Variants in FAR2 observed in about 807,000 individuals in gnomAD.
FAR2 encodes fatty acyl-CoA reductase 2.
In FAR2, 19 loss-of-function variants were observed where a neutral mutation model predicts 56.0. That is an observed-to-expected ratio of 0.34 (90% CI 0.24 to 0.50). The LOEUF (loss-of-function observed/expected upper bound fraction) is 0.50, where lower values mean the gene tolerates loss of function less well. FAR2 is among the 20% of genes least tolerant of loss of function. FAR2 has a pLI of 0.98. For synonymous variants in FAR2, 219 were observed against 218.8 expected (o/e 1.00, Z -0.01); for missense variants, 508 against 642.2 (o/e 0.79, Z 2.26).
chr12:29,177,082 T>C (rs2136593517), intron 1 of FAR2, among the ~76,000 whole-genome samples: 1 of 152,198 alleles, frequency 6.6e-6, no homozygotes, highest in East Asian at 1.9e-4. Context: ...GCCAAGGAAC[T>C]TTCTGAAATG....
intron 4 of FAR2, among the ~76,000 whole-genome samples, chr12:29,302,829 T>C (rs923943662): frequency 1.3e-5 from 2 of 151,044 alleles, no homozygotes; most frequent in African/African-American, 2.4e-5. Context: ...CAGAGAGGAG[T>C]AGTATGGAAG....
intron 1 of FAR2, among the ~76,000 whole-genome samples, chr12:29,189,756 C>T (rs1591840158): frequency 6.6e-6 from 1 of 152,130 alleles, no homozygotes; most frequent in South Asian, 2.1e-4. Flanking sequence ...TAAAAGATCG[C>T]TCCAAAAATA....
chr12:29,153,978 C>T (rs894078512), intron 1 of FAR2, among the ~76,000 whole-genome samples: 1 of 152,124 alleles, frequency 6.6e-6, no homozygotes, highest in African/African-American at 2.4e-5. Flanking sequence ...AGTATACTGG[C>T]TGCTGGGATG....
intron 1 of FAR2, among the ~76,000 whole-genome samples, chr12:29,236,253 G>A (rs1947938992): frequency 6.6e-6 from 1 of 152,142 alleles, no homozygotes; most frequent in African/African-American, 2.4e-5. Flanking sequence ...GACATGGCTA[G>A]TAGAAACAGA....
At chr12:29,244,801 A>C (rs1948098867) in intron 1 of FAR2, among the ~76,000 whole-genome samples, 1 of 152,182 alleles carries the variant, frequency 6.6e-6, no homozygotes, top group Non-Finnish European at 1.5e-5. Context: ...GCTATACAAC[A>C]ATGACTAAAG....
chr12:29,223,142 C>A (rs1947717093), intron 1 of FAR2, among the ~76,000 whole-genome samples: 1 of 152,068 alleles, frequency 6.6e-6, no homozygotes, highest in African/African-American at 2.4e-5. Context: ...TATTACTAGC[C>A]CCATCCCAGG....
intron 10 of FAR2, among the ~76,000 whole-genome samples, chr12:29,329,985 G>A (rs1339512882): frequency 2.0e-5 from 3 of 150,906 alleles, no homozygotes; most frequent in Non-Finnish European, 4.4e-5. Context: ...GGAAAATATA[G>A]TTTCATAGGA....
chr12:29,191,407 T>C (rs1392171462), intron 1 of FAR2, among the ~76,000 whole-genome samples: 2 of 152,248 alleles, frequency 1.3e-5, no homozygotes, highest in Admixed American at 1.3e-4. Context: ...TAATGCCATA[T>C]ATGAACTGAA....
intron 1 of FAR2, among the ~76,000 whole-genome samples, chr12:29,223,104 G>A (rs770524971): frequency 5.9e-5 from 9 of 152,130 alleles, no homozygotes; most frequent in Non-Finnish European, 1.3e-4. Flanking sequence ...CTATTGGGAG[G>A]TATTACTAAC....
In FAR2 at chr12:29,270,337, CAG is replaced by C. The variant is rs1331068035; in HGVS notation, c.-38-73_-38-72del. The C allele has an allele frequency of 4.2e-6, 5 of 1,180,270 alleles. No individual in the cohort carries two copies. The African/African-American group carries it at 6.2e-5, about 15-fold the overall frequency. The allele number at this position is 1,180,270 out of a possible 1,614,324, so 73.1% of individuals were successfully genotyped here. A position where few individuals can be genotyped will look rare whatever the true frequency, so the allele number is the denominator to read the frequency against. ...CTGCATTCAAAGCTCTTGGAAGCAACAGAAACATTTTAAGTGACTTTGAATAT... is the reference window on the plus strand; with the variant it reads ...CTGCATTCAAAGCTCTTGGAAGCAACAAACATTTTAAGTGACTTTGAATAT... On this transcript the variant is annotated intron_variant, in intron 1 of 11. Coordinates refer to ENST00000536681, the MANE Select transcript of FAR2 (RefSeq NM_001271783.2).
In FAR2 at chr12:29,329,035, AT is replaced by A. The variant is rs1446472368; in HGVS notation, c.1258-3564del. ...TAGAATTATTTCCTAAGCATTATCC[AT>A]GTCAAATACAATAAATATTATATTA... is the stretch of plus-strand genomic sequence containing the variant. On this transcript the variant is annotated intron_variant, in intron 10 of 11. Transcript: ENST00000536681. Among the ~76,000 whole-genome samples, 22 of 152,286 alleles carry A rather than the reference AT, an allele frequency of 1.4e-4. 1 individual carries two copies. The highest frequency in any genetic ancestry group is 5.1e-4 in the African/African-American group (21 of 41,550).
intron 1 of FAR2, among the ~76,000 whole-genome samples, chr12:29,256,803 G>T (rs150661779): frequency 0.014 from 2,126 of 152,348 alleles, 43 homozygotes; most frequent in African/African-American, 0.048. Flanking sequence ...GCCGAGGAGG[G>T]TGTACTGGGT....
At chr12:29,179,528 A>C (rs1949972833) in intron 1 of FAR2, among the ~76,000 whole-genome samples, 1 of 152,156 alleles carries the variant, frequency 6.6e-6, no homozygotes, top group Non-Finnish European at 1.5e-5. Flanking sequence ...CAAAGGTGAA[A>C]ATTCTTTTCA....
intron 8 of FAR2, among the ~76,000 whole-genome samples, chr12:29,315,493 G>A (rs1949432454): frequency 6.6e-6 from 1 of 152,112 alleles, no homozygotes; most frequent in South Asian, 2.1e-4. Context: ...CATTTTACAA[G>A]AATCACTCCG....
In FAR2 at chr12:29,316,842, A is replaced by G. The variant is rs1195493504; in HGVS notation, c.957A>G (p.Gly319=). Residue 319 remains glycine, a splice_region_variant and synonymous_variant, in exon 9 of 12, where the codon GGA becomes GGG. Coordinates refer to ENST00000536681, the MANE Select transcript of FAR2 (RefSeq NM_001271783.2). Reference sequence around the variant, plus strand: ...GCACTTACTTTCTTTTTTCCCCAGGAGTCCAAGTCTTGGCAACCTTTGAAA... The same window carrying G: ...GCACTTACTTTCTTTTTTCCCCAGGGGTCCAAGTCTTGGCAACCTTTGAAA... ...NMNPCNWHKM[G]VQVLATFEKI... 6.2e-7 allele frequency: 1 copy of G among 1,613,548 alleles called. No homozygotes were observed. Among genetic ancestry groups the G allele is most frequent in the African/African-American group, 1.3e-5 (1 of 74,848 alleles).
At chr12:29,313,858 A>ATTGATATATTGCCTTATCTCTATTTTCTC (rs1949396482) in intron 8 of FAR2, among the ~76,000 whole-genome samples, 1 of 151,560 alleles carries the variant, frequency 6.6e-6, no homozygotes, top group Admixed American at 6.6e-5. Flanking sequence ...TTCATTTTCT[A>ATTGATATATTGCCTTATCTCTATTTTCTC]CTGCATTGAT....
chr12:29,255,612 C>T (rs1948304947), intron 1 of FAR2, among the ~76,000 whole-genome samples: 1 of 151,868 alleles, frequency 6.6e-6, no homozygotes, highest in Non-Finnish European at 1.5e-5. Flanking sequence ...TCACTACTTT[C>T]TTTTTTCTTT....
At chr12:29,193,235 T>TA (rs1253975093) in intron 1 of FAR2, among the ~76,000 whole-genome samples, 12 of 152,174 alleles carry the variant, frequency 7.9e-5, no homozygotes, top group Non-Finnish European at 1.8e-4. Flanking sequence ...GGTGAACCTG[T>TA]ATGGACACAT....
In FAR2 at chr12:29,216,873, G is replaced by A. The variant is rs1947627612; in HGVS notation, c.-38-53539G>A. 2.6e-5 allele frequency among the ~76,000 whole-genome samples: 4 copies of A among 152,144 alleles called. No homozygotes were observed. The South Asian group carries it at 8.3e-4, about 31-fold the overall frequency. ...TAGATTTTATCAAAAGAGCTACAAA[G>A]CACTTTGGTGTACAATGGTAGATGT... On this transcript the variant is annotated intron_variant, in intron 1 of 11. Transcript: ENST00000536681.
Sources: allele counts gnomAD v4.1 joint callset (sites outside exome capture counted in the v4.1 genomes callset), GRCh38; gene constraint gnomAD v4.1.1; transcripts MANE v1.5; gene names NCBI Gene and HGNC (gene_info 2026-07-23, HGNC 2026-07-21).